FHIT: variants seen among roughly 807,000 people sequenced by gnomAD.
FHIT encodes the protein bis(5'-adenosyl)-triphosphatase.
A neutral mutation model predicts 17.9 loss-of-function variants in FHIT; 19 were observed. The observed-to-expected ratio is 1.06, with a 90% CI of 0.74 to 1.56. The LOEUF (loss-of-function observed/expected upper bound fraction) is 1.56. FHIT is among the 40% of genes most tolerant of loss of function. FHIT has a pLI of 0.00. For synonymous variants in FHIT, 81 were observed against 69.7 expected (o/e 1.16, Z -0.81); for missense variants, 248 against 189.2 (o/e 1.31, Z -1.82).
intron 2 of FHIT, among the ~76,000 whole-genome samples, chr3:61,130,441 C>A (rs1240924661): frequency 6.6e-6 from 1 of 152,162 alleles, no homozygotes; most frequent in Non-Finnish European, 1.5e-5. Context: ...ATTCTGAATT[C>A]CGGTACACCT....
intron 2 of FHIT, among the ~76,000 whole-genome samples, chr3:61,190,636 G>A (rs1322796065): frequency 9.9e-5 from 15 of 152,168 alleles, no homozygotes. Context: ...GCATACGTAT[G>A]TTTATTGTGG....
chr3:60,898,594 C>T (rs1044532128), intron 3 of FHIT, among the ~76,000 whole-genome samples: 1 of 152,300 alleles, frequency 6.6e-6, no homozygotes, highest in East Asian at 1.9e-4. Context: ...TAGAACAAAA[C>T]ATTACTGATG....
At chr3:60,896,278 T>C (rs959503352) in intron 3 of FHIT, among the ~76,000 whole-genome samples, 2 of 152,184 alleles carry the variant, frequency 1.3e-5, no homozygotes, top group Admixed American at 1.3e-4. Flanking sequence ...TGGGGAATGC[T>C]ATTTAGAAAG....
At chr3:61,102,100 G>A (rs943954276) in intron 2 of FHIT, among the ~76,000 whole-genome samples, 3 of 152,184 alleles carry the variant, frequency 2.0e-5, no homozygotes, top group Admixed American at 2.0e-4. Flanking sequence ...TATTGAATAG[G>A]AGTGGTGAGA....
Position 59,940,275 on chromosome 3 carries a change from A to T in FHIT, c.280-17861T>A, listed in dbSNP as rs548087261. Among the ~76,000 whole-genome samples, 5 of 152,334 alleles carry T rather than the reference A, an allele frequency of 3.3e-5. 1 individual carries two copies. In the South Asian group the frequency reaches 1.0e-3, roughly 32 times the overall value. ...TGCCACGATTATTAGTACTACAACT[A>T]CTTAACCACAAAATCTGTGCTACTT... On this transcript the variant is annotated intron_variant, in intron 7 of 9. Coordinates refer to ENST00000492590, the MANE Select transcript of FHIT (RefSeq NM_002012.4).
chr3:60,537,374 A>G (rs1439359965), intron 4 of FHIT: 2 of 627,656 alleles, frequency 3.2e-6, no homozygotes, highest in Admixed American at 1.3e-4. Flanking sequence ...TATTAACTAT[A>G]AACCTTCTAA....
intron 2 of FHIT, among the ~76,000 whole-genome samples, chr3:61,057,839 A>C (rs987675566): frequency 2.6e-5 from 4 of 152,180 alleles, no homozygotes; most frequent in African/African-American, 9.7e-5. Flanking sequence ...CTCACAACAC[A>C]ACACTGTTCT....
At chr3:60,481,816 C>T (rs1193675261) in intron 5 of FHIT, among the ~76,000 whole-genome samples, 3 of 152,122 alleles carry the variant, frequency 2.0e-5, no homozygotes, top group Admixed American at 1.3e-4. Flanking sequence ...ATCAAATTCA[C>T]ACATAACAAT....
At chr3:61,067,570 A>G (rs530748813) in intron 2 of FHIT, among the ~76,000 whole-genome samples, 21 of 152,270 alleles carry the variant, frequency 1.4e-4, no homozygotes, top group African/African-American at 4.8e-4. Context: ...GAATGACCTT[A>G]ATTACCCAGT....
At chr3:61,236,057 C>A (rs893611881) in intron 1 of FHIT, among the ~76,000 whole-genome samples, 1 of 151,550 alleles carries the variant, frequency 6.6e-6, no homozygotes, top group Non-Finnish European at 1.5e-5. Flanking sequence ...CTCTTACTAT[C>A]CCCATTTTTA....
At chr3:60,782,573 A>G in intron 4 of FHIT, among the ~76,000 whole-genome samples, 1 of 152,190 alleles carries the variant, frequency 6.6e-6, no homozygotes, top group East Asian at 1.9e-4. Context: ...CCCTTAAGTA[A>G]GGCTATAAGA....
chr3:60,184,203 T>A (rs775683914), intron 5 of FHIT, among the ~76,000 whole-genome samples: 1 of 152,062 alleles, frequency 6.6e-6, no homozygotes, highest in Non-Finnish European at 1.5e-5. Context: ...CAGACTGGTC[T>A]CAGACTCTTG....
At chr3:60,020,212 G>A (rs548555512) in intron 5 of FHIT, among the ~76,000 whole-genome samples, 2 of 152,096 alleles carry the variant, frequency 1.3e-5, no homozygotes, top group African/African-American at 2.4e-5. Flanking sequence ...AATTTGATAA[G>A]TTCAAAATTT....
chr3:60,085,587 T>A (rs976974395), intron 5 of FHIT, among the ~76,000 whole-genome samples: 8 of 152,214 alleles, frequency 5.3e-5, no homozygotes, highest in African/African-American at 1.9e-4. Flanking sequence ...ACCAGTTTGC[T>A]ACAAGTTGAA....
intron 5 of FHIT, among the ~76,000 whole-genome samples, chr3:60,198,025 T>G (rs1371391916): frequency 6.6e-6 from 1 of 152,186 alleles, no homozygotes. Flanking sequence ...CAAATGCATA[T>G]GCCTCACAGG....
chr3:60,860,458 G>GTATCATATA (rs1703671298), intron 3 of FHIT, among the ~76,000 whole-genome samples: 1 of 118,266 alleles, frequency 8.5e-6, no homozygotes, highest in Non-Finnish European at 1.8e-5. Flanking sequence ...TGATACATAT[G>GTATCATATA]TACATATATA....
chr3:60,136,283 C>T (rs946920248), intron 5 of FHIT, among the ~76,000 whole-genome samples: 1 of 152,142 alleles, frequency 6.6e-6, no homozygotes, highest in African/African-American at 2.4e-5. Flanking sequence ...CCTTGTGTTT[C>T]CTGAATGCAA....
chr3:60,917,083 C>T (rs2107296672), intron 3 of FHIT, among the ~76,000 whole-genome samples: 1 of 152,248 alleles, frequency 6.6e-6, no homozygotes, highest in East Asian at 1.9e-4. Flanking sequence ...AGTCATTAAG[C>T]ACCATCTCAA....
intron 4 of FHIT, among the ~76,000 whole-genome samples, chr3:60,694,493 G>A (rs1476158241): frequency 6.6e-6 from 1 of 152,150 alleles, no homozygotes; most frequent in Non-Finnish European, 1.5e-5. Context: ...AACCATTGTG[G>A]AAGTCAGTGT....
Sources: allele counts gnomAD v4.1 joint callset (sites outside exome capture counted in the v4.1 genomes callset), GRCh38; gene constraint gnomAD v4.1.1; transcripts MANE v1.5; gene names NCBI Gene and HGNC (gene_info 2026-07-23, HGNC 2026-07-21).